CTSD: variants seen among roughly 807,000 people sequenced by gnomAD.
CTSD encodes ceroid-lipofuscinosis, neuronal 10.
A neutral mutation model predicts 43.6 loss-of-function variants in CTSD; 28 were observed. The ratio of observed to expected loss-of-function variants is 0.64; its 90% CI spans 0.48 to 0.88. CTSD has a LOEUF of 0.88. Ranked by LOEUF, CTSD falls within the 40% of genes least tolerant of loss-of-function variation. The probability of loss-of-function intolerance (pLI) is 0.00; values close to 1 mark genes in which losing one functional copy is unlikely to be tolerated. For synonymous variants in CTSD, 270 were observed against 249.8 expected, an observed-to-expected ratio of 1.08 and a Z score of -0.76; for missense variants, 485 against 555.2, an observed-to-expected ratio of 0.87 and a Z score of 1.27.
At chr11:1,758,025 CAG>C (rs1241280428) in intron 4 of CTSD, 1 of 240,356 alleles carries the variant, frequency 4.2e-6, no homozygotes, top group South Asian at 4.8e-5. Context: ...GATGAGGCTG[CAG>C]AGAGAGAACA....
Position 1,753,415 on chromosome 11 carries a change from GGT to G in CTSD, c.*86_*87del. 6.7e-7 allele frequency: 1 copy of G among 1,490,366 alleles called. No individual in the cohort carries two copies. The highest frequency in any genetic ancestry group is 9.3e-7 in the Non-Finnish European group (1 of 1,070,300). 92.3% of individuals were successfully genotyped at this position (1,490,366 alleles called of 1,614,324 possible). A position where few individuals can be genotyped will look rare whatever the true frequency, so the allele number is the denominator to read the frequency against. ...AGGACAGTGGGCGGGCGAGTGTGTG[GGT>G]GTGTGTGGGAGGGGCCGCTGGGCCA... On this transcript the variant is annotated 3_prime_UTR_variant, in exon 9 of 9. Coordinates refer to ENST00000236671, the MANE Select transcript of CTSD (RefSeq NM_001909.5).
chr11:1,758,084 C>T (rs562788827), intron 4 of CTSD: 39 of 210,236 alleles, frequency 1.9e-4, no homozygotes, highest in African/African-American at 3.2e-4. Context: ...GAGGCTGACA[C>T]GGGGCGGAGG....
chr11:1,759,772 A>T, intron 2 of CTSD, 133 bp from the exon 3 acceptor site: 2 of 937,052 alleles, frequency 2.1e-6, no homozygotes, highest in Non-Finnish European at 3.1e-6. Flanking sequence ...ACAGCTGCCA[A>T]CAGCCACCCA....
rs1201642341 is a variant in CTSD at position 1,759,292 on chromosome 11, GC to G, written c.353-206del. ...ACCCCGGGCCTCCCTCCCAGCCACA[GC>G]CGGCTCCCTCTGTGGCCACCCCAGC... On this transcript the variant is annotated intron_variant, in intron 3 of 8. Coordinates refer to ENST00000236671, the MANE Select transcript of CTSD (RefSeq NM_001909.5). Among the ~76,000 whole-genome samples, 9 of 152,350 alleles carry G rather than the reference GC, an allele frequency of 5.9e-5. No homozygotes were observed. The East Asian group carries it at 1.7e-3, about 29-fold the overall frequency.
intron 1 of CTSD, 76 bp from the exon 2 acceptor site, chr11:1,761,544 C>G: frequency 6.7e-7 from 1 of 1,497,666 alleles, no homozygotes; most frequent in South Asian, 1.2e-5. Context: ...TGCACATCCA[C>G]CTGGAGGCCC....
In CTSD at chr11:1,757,368, C is replaced by T. The variant is rs762797920; in HGVS notation, c.660G>A (p.Gln220=). The change falls in exon 5 of 9, where the codon CAG becomes CAA. Residue 220 remains glutamine (Q), a synonymous_variant. Transcript: ENST00000236671. ...NVLPVFDNLM[Q]QKLVDQNIFS... ...AGATGTTCTGGTCCACCAGCTTCTG[C>T]TGCATCAGGTTGTCGAAGACGGGCA... The T allele has an allele frequency of 6.2e-7, 1 of 1,614,126 alleles. No homozygotes were observed. The highest frequency in any genetic ancestry group is 2.2e-5 in the East Asian group (1 of 44,884).
Position 1,763,800 on chromosome 11 carries a change from C to T in CTSD, c.60G>A (p.Ala20=), listed in dbSNP as rs1225756370. 3.3e-6 allele frequency: 5 copies of T among 1,525,794 alleles called. No individual in the cohort carries two copies. The highest frequency in any genetic ancestry group is 1.4e-5 in the African/African-American group (1 of 70,918). The allele number at this position is 1,525,794 out of a possible 1,614,324, so 94.5% of individuals were successfully genotyped here. The change falls in exon 1 of 9, where the codon GCG becomes GCA. Residue 20 remains alanine, a synonymous_variant. Coordinates refer to ENST00000236671, the MANE Select transcript of CTSD (RefSeq NM_001909.5). ...GGCCCCTGAGGCTTCACCTGACGAG[C>T]GCGGAGGCGGGTGCAGCCAGCAGGC... ...ALCLLAAPAS[A]LVRIPLHKFT... is the part of the protein sequence containing the mutation.
chr11:1,754,793 C>A (rs1845789244), intron 6 of CTSD, 113 bp downstream of exon 6: 7 of 1,286,790 alleles, frequency 5.4e-6, no homozygotes, highest in Non-Finnish European at 5.2e-6. Context: ...TCTTGCCCAG[C>A]TCCCACTACT....
At chr11:1,761,036 G>A (rs1347832505) in intron 2 of CTSD, 9 of 495,602 alleles carry the variant, frequency 1.8e-5, no homozygotes, top group East Asian at 7.7e-5. Flanking sequence ...CCCAAGGACC[G>A]CCCCCTCAGG....
At position 1,753,508 on chromosome 11, in the gene CTSD, G is replaced by C; in HGVS notation, c.1234C>G (p.Leu412Val). Residue 412 changes from leucine (L) to valine (V), a missense_variant, in exon 9 of 9, where the codon CTC (leucine) becomes GTC (valine). Transcript: ENST00000236671. ...GCGCGCGGACGCCTTGGGAACTAGA[G>C]GCGGGCAGCCTCGGCGAAGCCCACC... ...NRVGFAEAARL is the reference protein window; with the variant it reads ...NRVGFAEAARV 6.2e-7 allele frequency: 1 copy of C among 1,612,970 alleles called. No homozygotes were observed. Among genetic ancestry groups the C allele is most frequent in the Non-Finnish European group, 8.5e-7 (1 of 1,179,900 alleles).
chr11:1,755,811 G>A (rs965112439), intron 5 of CTSD, among the ~76,000 whole-genome samples: 2 of 152,098 alleles, frequency 1.3e-5, no homozygotes, highest in Non-Finnish European at 2.9e-5. Context: ...ACCGATTGGG[G>A]CCTCCGCCCT....
chr11:1,758,888 C>A, intron 4 of CTSD, 81 bp downstream of exon 4: 1 of 1,050,990 alleles, frequency 9.5e-7, no homozygotes, highest in Non-Finnish European at 1.5e-6. Flanking sequence ...CCGAGCCCTC[C>A]CTTTCAACCA....
rs771647299 is a variant in CTSD, at chr11:1,753,638, G to A, written c.1104C>T (p.Ser368=). 16 of 1,612,810 alleles carry A rather than the reference G, an allele frequency of 9.9e-6. No individual in the cohort carries two copies. The highest frequency in any genetic ancestry group is 1.6e-4 in the Middle Eastern group (1 of 6,084). The change falls in exon 9 of 9, where the codon AGC becomes AGT. Residue 368 remains serine (S), a synonymous_variant. Transcript: ENST00000236671. ...VSQAGKTLCL[S]GFMGMDIPPP... is the part of the protein sequence containing the mutation. Reference sequence around the variant, plus strand: ...GCGGGATGTCCATGCCCATGAAGCCGCTCAGGCAGAGGGTCTTCCCGGCCT... The same window carrying A: ...GCGGGATGTCCATGCCCATGAAGCCACTCAGGCAGAGGGTCTTCCCGGCCT...
chr11:1,756,398 G>C (rs1845809738), intron 5 of CTSD, among the ~76,000 whole-genome samples: 1 of 152,252 alleles, frequency 6.6e-6, no homozygotes, highest in Admixed American at 6.5e-5. Flanking sequence ...GCCCAGGCAA[G>C]GGGCAGAGCA....
chr11:1,755,114 A>G, intron 5 of CTSD, 86 bp from the exon 6 acceptor site: 1 of 1,523,962 alleles, frequency 6.6e-7, no homozygotes, highest in Non-Finnish European at 9.1e-7. Context: ...GAATGTGGCA[A>G]TCAGGGAGAG....
chr11:1,759,032 G>C lies in CTSD; in HGVS notation c.408C>G (p.Thr136=), dbSNP rs1060504644. Residue 136 remains threonine, a synonymous_variant, in exon 4 of 9, where the codon ACC becomes ACG. Coordinates refer to ENST00000236671, the MANE Select transcript of CTSD (RefSeq NM_001909.5). ...CCGAGCCATAGTGGATGTCAAACGAGGTACCATTCTTCACGTAGGTGCTGG... is the reference window on the plus strand; with the variant it reads ...CCGAGCCATAGTGGATGTCAAACGACGTACCATTCTTCACGTAGGTGCTGG... The part of the protein sequence containing the change: ...DKSSTYVKNG[T]SFDIHYGSGS... The C allele has an allele frequency of 7.4e-6, 12 of 1,614,024 alleles. No homozygotes were observed. In the South Asian group the frequency reaches 7.7e-5, roughly 10 times the overall value.
At chr11:1,754,539 GGAGGGATGGAGGGGATGGA>G (rs1565019501) in intron 6 of CTSD, among the ~76,000 whole-genome samples, 8 of 130,090 alleles carry the variant, frequency 6.1e-5, no homozygotes, top group Non-Finnish European at 1.2e-4. Context: ...ATGGAGGGAT[GGAGGGATGGAGGGGATGGA>G]GGGATGGAGG....
Position 1,753,208 on chromosome 11 carries a change from T to G in CTSD, c.*295A>C. 1 of 474,374 alleles carries G rather than the reference T, an allele frequency of 2.1e-6. No individual in the cohort carries two copies. Among genetic ancestry groups the G allele is most frequent in the Non-Finnish European group, 3.9e-6 (1 of 257,100 alleles). The allele number at this position is 474,374 out of a possible 1,614,324, so 29.4% of individuals were successfully genotyped here. On this transcript the variant is annotated 3_prime_UTR_variant, in exon 9 of 9. Transcript: ENST00000236671. ...GAAGGGAGCCCCAGGATACACGAGC[T>G]CGGCTGCCAAGCTTGGGTGGGGTCT...
At position 1,753,891 on chromosome 11, in the gene CTSD, G is replaced by A. The variant is rs1180483609; in HGVS notation, c.983C>T (p.Pro328Leu). 1.2e-6 allele frequency: 2 copies of A among 1,613,322 alleles called. No individual in the cohort carries two copies. The highest frequency in any genetic ancestry group is 1.3e-5 in the African/African-American group (1 of 74,900). The change falls in exon 8 of 9, where the codon CCC (proline) becomes CTC (leucine). Residue 328 changes from proline to leucine, a missense_variant. Coordinates refer to ENST00000236671, the MANE Select transcript of CTSD (RefSeq NM_001909.5). Reference sequence around the variant, plus strand: ...GGGCAGGGTGGACACCTTCTCACAGGGGATCATGTACTAAGAGGGGTCACA... The same window carrying A: ...GGGCAGGGTGGACACCTTCTCACAGAGGATCATGTACTAAGAGGGGTCACA... The part of the protein sequence containing the change: ...VPLIQGEYMI[P>L]CEKVSTLPAI...
Sources: allele counts gnomAD v4.1 joint callset (sites outside exome capture counted in the v4.1 genomes callset), GRCh38; gene constraint gnomAD v4.1.1; transcripts MANE v1.5; gene names NCBI Gene and HGNC (gene_info 2026-07-23, HGNC 2026-07-21).